Variants in TRABD2B observed in about 807,000 individuals in gnomAD.
TRABD2B encodes the protein TraB domain containing 2B.
In TRABD2B, 14 loss-of-function variants were observed where a neutral mutation model predicts 40.1. The ratio of observed to expected loss-of-function variants is 0.35; its 90% CI spans 0.23 to 0.55. TRABD2B has a LOEUF of 0.55. TRABD2B is among the 20% of genes least tolerant of loss of function. The pLI is 0.90. For synonymous variants in TRABD2B, 263 were observed against 277.0 expected (o/e 0.95, Z 0.50); for missense variants, 541 against 648.6 (o/e 0.83, Z 1.80).
At chr1:47,783,054 A>T in intron 4 of TRABD2B, among the ~76,000 whole-genome samples, 1 of 152,176 alleles carries the variant, frequency 6.6e-6, no homozygotes, top group Non-Finnish European at 1.5e-5. Flanking sequence ...GTTGCGGCAC[A>T]CAGAGCCATG....
At chr1:47,790,976 T>C (rs977170019) in intron 4 of TRABD2B, among the ~76,000 whole-genome samples, 1 of 152,192 alleles carries the variant, frequency 6.6e-6, no homozygotes. Flanking sequence ...CAGCATCTCT[T>C]AGCTCACAGT....
chr1:47,815,050 G>A (rs1030183097), intron 2 of TRABD2B, among the ~76,000 whole-genome samples: 2 of 152,314 alleles, frequency 1.3e-5, no homozygotes. Flanking sequence ...CAAGCCAGGG[G>A]ATGCAGAATA....
intron 2 of TRABD2B, among the ~76,000 whole-genome samples, chr1:47,875,175 C>A (rs1416672270): frequency 6.6e-6 from 1 of 151,848 alleles, no homozygotes; most frequent in Non-Finnish European, 1.5e-5. Flanking sequence ...AGGAGATCAG[C>A]CCCTCCCAGA....
chr1:47,899,448 G>A (rs1365819928), intron 2 of TRABD2B, among the ~76,000 whole-genome samples: 2 of 152,210 alleles, frequency 1.3e-5, no homozygotes, highest in African/African-American at 2.4e-5. Flanking sequence ...ACAAGGCCCT[G>A]CAAGGCCACT....
At chr1:47,985,903 T>G (rs1645912213) in intron 2 of TRABD2B, among the ~76,000 whole-genome samples, 1 of 151,588 alleles carries the variant, frequency 6.6e-6, no homozygotes, top group South Asian at 2.1e-4. Flanking sequence ...AGCCAGAAAA[T>G]AAAAACTGGG....
chr1:47,848,135 C>T lies in TRABD2B; in HGVS notation c.667-46516G>A, dbSNP rs1404146877. ...CCCCAGCCCCTAGACTAGAGAAACA[C>T]ATGGAGAGACAGCAAGATCTTTCTT... On this transcript the variant is annotated intron_variant, in intron 2 of 6. Transcript: ENST00000606738. 2.6e-5 allele frequency among the ~76,000 whole-genome samples: 4 copies of T among 152,342 alleles called. No homozygotes were observed. In the East Asian group the frequency reaches 7.7e-4, roughly 29 times the overall value.
chr1:47,993,358 C>T (rs1364773935), intron 2 of TRABD2B, among the ~76,000 whole-genome samples: 1 of 152,186 alleles, frequency 6.6e-6, no homozygotes, highest in Non-Finnish European at 1.5e-5. Context: ...CTCTTAAGCC[C>T]CTCCCTTCTC....
At chr1:47,853,300 G>A (rs1032965231) in intron 2 of TRABD2B, among the ~76,000 whole-genome samples, 7 of 152,192 alleles carry the variant, frequency 4.6e-5, no homozygotes, top group Non-Finnish European at 7.3e-5. Flanking sequence ...GCAGTGGCCC[G>A]AATTAGCCAA....
At chr1:47,975,073 G>A (rs1645736729) in intron 2 of TRABD2B, among the ~76,000 whole-genome samples, 1 of 152,158 alleles carries the variant, frequency 6.6e-6, no homozygotes, top group Admixed American at 6.5e-5. Context: ...AAGTAAACGT[G>A]ATACAGTACC....
intron 2 of TRABD2B, among the ~76,000 whole-genome samples, chr1:47,960,018 A>G (rs1169666575): frequency 6.6e-6 from 1 of 152,224 alleles, no homozygotes; most frequent in African/African-American, 2.4e-5. Context: ...ATCCACCACG[A>G]TCAAGCTGGC....
At chr1:47,889,953 T>C (rs1266947824) in intron 2 of TRABD2B, among the ~76,000 whole-genome samples, 1 of 152,190 alleles carries the variant, frequency 6.6e-6, no homozygotes, top group African/African-American at 2.4e-5. Context: ...CCAAAGTAAA[T>C]TATTAGCTCC....
intron 2 of TRABD2B, among the ~76,000 whole-genome samples, chr1:47,930,035 T>C (rs1274067035): frequency 6.6e-6 from 1 of 152,178 alleles, no homozygotes; most frequent in East Asian, 1.9e-4. Context: ...TGTGATACAC[T>C]GTGAGACCAA....
intron 3 of TRABD2B, among the ~76,000 whole-genome samples, chr1:47,796,777 T>C (rs1378126787): frequency 2.0e-5 from 3 of 152,202 alleles, no homozygotes; most frequent in Non-Finnish European, 2.9e-5. Flanking sequence ...ATGGAATTCT[T>C]ACTTCCCTAC....
chr1:47,786,237 G>A (rs1037779680), intron 4 of TRABD2B, among the ~76,000 whole-genome samples: 2 of 151,986 alleles, frequency 1.3e-5, no homozygotes, highest in African/African-American at 4.8e-5. Context: ...AACTCACACA[G>A]TCTGGGTCCA....
intron 2 of TRABD2B, among the ~76,000 whole-genome samples, chr1:47,907,062 G>A (rs115903766): frequency 1.3e-5 from 2 of 152,218 alleles, no homozygotes; most frequent in Non-Finnish European, 2.9e-5. Context: ...CCGCTGGCGT[G>A]GGGAGGGAAG....
chr1:47,789,953 AG>A (rs1346952084), intron 4 of TRABD2B, among the ~76,000 whole-genome samples: 1 of 151,780 alleles, frequency 6.6e-6, no homozygotes, highest in African/African-American at 2.4e-5. Flanking sequence ...AAAAAAAAAA[AG>A]GTAGGTGAGT....
intron 4 of TRABD2B, among the ~76,000 whole-genome samples, chr1:47,782,906 C>T (rs1644544862): frequency 6.6e-6 from 1 of 152,194 alleles, no homozygotes; most frequent in Non-Finnish European, 1.5e-5. Context: ...GGTCTCCTGG[C>T]CACGGCTCAG....
Position 47,813,181 on chromosome 1 carries a change from G to A in TRABD2B, c.667-11562C>T, listed in dbSNP as rs1340831368. ...CCATTTTCATTTGCAAAATCAGTAT[G>A]AAATTCCTAGAGGGCCCCTCTAATT... On this transcript the variant is annotated intron_variant, in intron 2 of 6. Coordinates refer to ENST00000606738, the MANE Select transcript of TRABD2B (RefSeq NM_001194986.2). The surrounding 1 kb of genome is among the most constrained non-coding windows in gnomAD (Gnocchi z 4.3). Among the ~76,000 whole-genome samples, 1 of 152,214 alleles carries A rather than the reference G, an allele frequency of 6.6e-6. No individual in the cohort carries two copies. The highest frequency in any genetic ancestry group is 6.5e-5 in the Admixed American group (1 of 15,280).
chr1:47,983,663 C>G (rs968766110), intron 2 of TRABD2B, among the ~76,000 whole-genome samples: 3 of 151,676 alleles, frequency 2.0e-5, no homozygotes, highest in African/African-American at 7.3e-5. Context: ...GATGCTGGAG[C>G]CACCCAGCTG....
Sources: gnomAD v4.1 joint callset for allele counts (sites outside exome capture counted in the v4.1 genomes callset) on GRCh38, gnomAD v4.1.1 for gene constraint, Gnocchi (gnomAD v3.1) non-coding constraint, MANE v1.5 for transcripts, NCBI Gene and HGNC (gene_info 2026-07-23, HGNC 2026-07-21) for gene names.